The following CTCF variants were observed in gnomAD, a reference collection of about 807,000 sequenced individuals.
CTCF encodes transcriptional repressor CTCF.
A neutral mutation model predicts 72.3 loss-of-function variants in CTCF; 7 were observed. The ratio of observed to expected loss-of-function variants is 0.10; its 90% CI spans 0.06 to 0.18. The LOEUF is 0.18. Among genes scored for constraint, CTCF ranks in the 10% least tolerant of loss-of-function variants. CTCF has a pLI of 1.00. For synonymous variants in CTCF, 374 were observed against 315.8 expected (o/e 1.18, Z -1.95); for missense variants, 516 against 949.1 (o/e 0.54, Z 6.00).
At position 67,635,037 on chromosome 16, in the gene CTCF, T is replaced by G. The variant is rs776920388; in HGVS notation, c.1838-1653T>G. ...TTTGTTTTTGTTTGTTTGTTTGTTTTTTTGAGACGGAGTCTTGCTCTGTTG... is the reference window on the plus strand; with the variant it reads ...TTTGTTTTTGTTTGTTTGTTTGTTTGTTTGAGACGGAGTCTTGCTCTGTTG... On this transcript the variant is annotated intron_variant, in intron 10 of 11. Transcript: ENST00000264010. 4.9e-4 allele frequency among the ~76,000 whole-genome samples: 71 copies of G among 146,100 alleles called. 1 individual carries two copies. The highest frequency in any genetic ancestry group is 1.0e-3 in the East Asian group (5 of 4,794).
intron 2 of CTCF, among the ~76,000 whole-genome samples, chr16:67,590,851 C>T (rs957564756): frequency 8.0e-5 from 12 of 150,676 alleles, no homozygotes; most frequent in African/African-American, 2.4e-4. Context: ...ATCCCAGCTA[C>T]TTGGGAGGCT....
chr16:67,621,340 G>A, intron 6 of CTCF, 102 bp from the exon 7 acceptor site: 1 of 831,772 alleles, frequency 1.2e-6, no homozygotes, highest in Non-Finnish European at 1.9e-6. Context: ...AAGACCTGTA[G>A]ATTCTCTGTG....
chr16:67,631,199 C>G (rs1268544493), intron 10 of CTCF, among the ~76,000 whole-genome samples: 1 of 139,638 alleles, frequency 7.2e-6, no homozygotes, highest in Admixed American at 7.2e-5. Context: ...GTGTCTCCCT[C>G]TTGTTGCCCA....
chr16:67,624,034 T>A (rs530394631), intron 7 of CTCF, among the ~76,000 whole-genome samples: 6 of 127,790 alleles, frequency 4.7e-5, no homozygotes, highest in Non-Finnish European at 9.5e-5. Context: ...GGCAAGAGAG[T>A]GAGACACTGT....
intron 2 of CTCF, among the ~76,000 whole-genome samples, chr16:67,584,604 G>A (rs1226876381): frequency 6.6e-6 from 1 of 151,540 alleles, no homozygotes; most frequent in African/African-American, 2.4e-5. Flanking sequence ...GGGATTACAG[G>A]CGTGAGCCAC....
At chr16:67,605,492 A>G (rs1362330195) in intron 2 of CTCF, among the ~76,000 whole-genome samples, 1 of 152,202 alleles carries the variant, frequency 6.6e-6, no homozygotes, top group Non-Finnish European at 1.5e-5. Context: ...AATGAAAGAA[A>G]GAAGGTAATG....
chr16:67,599,128 GGCTCAC>G (rs2051853544), intron 2 of CTCF, among the ~76,000 whole-genome samples: 1 of 152,238 alleles, frequency 6.6e-6, no homozygotes, highest in Admixed American at 6.5e-5. Context: ...CGAATGTGGT[GGCTCAC>G]GCCTGTAATC....
At chr16:67,636,973 G>C (rs530610202) in intron 11 of CTCF, 122 bp downstream of exon 11, 4 of 891,884 alleles carry the variant, frequency 4.5e-6, no homozygotes, top group Non-Finnish European at 6.4e-6. Flanking sequence ...AGGGCATGTC[G>C]AGAACAAACT....
At chr16:67,619,210 T>C (rs1567611859) in intron 5 of CTCF, among the ~76,000 whole-genome samples, 1 of 152,050 alleles carries the variant, frequency 6.6e-6, no homozygotes, top group Non-Finnish European at 1.5e-5. Flanking sequence ...CTGAGGCGGG[T>C]TGGTCACCTG....
chr16:67,604,607 T>C (rs980333056), intron 2 of CTCF, among the ~76,000 whole-genome samples: 1 of 151,878 alleles, frequency 6.6e-6, no homozygotes, highest in Non-Finnish European at 1.5e-5. Context: ...TCCCAAAGTG[T>C]TGGGATTACA....
chr16:67,601,609 G>C (rs990035490), intron 2 of CTCF, among the ~76,000 whole-genome samples: 1 of 152,042 alleles, frequency 6.6e-6, no homozygotes, highest in African/African-American at 2.4e-5. Flanking sequence ...GCAGTGTATT[G>C]AGAGGCTGAT....
rs368977003 is a variant in CTCF at position 67,620,660 on chromosome 16, T to G, written c.1087-37T>G. On this transcript the variant is annotated intron_variant, in intron 5 of 11. Coordinates refer to ENST00000264010, the MANE Select transcript of CTCF (RefSeq NM_006565.4). ...ACTGTGCTCTTGTTACAGTCTGTGT[T>G]AACAGAAGTTAAAGTTCGGTTGTTT... The G allele has an allele frequency of 3.0e-5, 45 of 1,517,444 alleles. No individual in the cohort carries two copies. The African/African-American group carries it at 3.9e-4, about 13-fold the overall frequency. 94.0% of individuals were successfully genotyped at this position (1,517,444 alleles called of 1,614,324 possible).
chr16:67,598,428 A>G (rs921132143), intron 2 of CTCF, among the ~76,000 whole-genome samples: 3 of 152,208 alleles, frequency 2.0e-5, no homozygotes, highest in Non-Finnish European at 4.4e-5. Flanking sequence ...ATCTTGTTCC[A>G]GAAAGAACTT....
chr16:67,575,487 C>G (rs1300032430), intron 2 of CTCF, among the ~76,000 whole-genome samples: 1 of 152,022 alleles, frequency 6.6e-6, no homozygotes, highest in Non-Finnish European at 1.5e-5. Context: ...GCTCTGTCGC[C>G]AGGCTGGAGT....
intron 1 of CTCF, among the ~76,000 whole-genome samples, chr16:67,569,342 T>A (rs1325902676): frequency 6.6e-6 from 1 of 151,340 alleles, no homozygotes; most frequent in East Asian, 2.0e-4. Context: ...TGCACCACCA[T>A]GCCCAGCTAA....
chr16:67,613,747 A>G (rs905657722), intron 4 of CTCF, among the ~76,000 whole-genome samples: 20 of 152,074 alleles, frequency 1.3e-4, no homozygotes, highest in African/African-American at 4.6e-4. Flanking sequence ...CCGTACTCCA[A>G]CCTAAGTGAC....
intron 2 of CTCF, among the ~76,000 whole-genome samples, chr16:67,594,826 C>T (rs2051790855): frequency 6.6e-6 from 1 of 152,062 alleles, no homozygotes; most frequent in Non-Finnish European, 1.5e-5. Context: ...ATAGTTACTG[C>T]CCTTAAAAAG....
intron 11 of CTCF, 147 bp from the exon 12 acceptor site, chr16:67,637,541 A>T (rs1320559004): frequency 1.6e-6 from 1 of 636,462 alleles, no homozygotes; most frequent in Non-Finnish European, 2.7e-6. Context: ...AAAAAATAAA[A>T]TAAAAAATAA....
At chr16:67,570,333 G>T (rs894132197) in intron 1 of CTCF, among the ~76,000 whole-genome samples, 1 of 152,120 alleles carries the variant, frequency 6.6e-6, no homozygotes, top group Non-Finnish European at 1.5e-5. Context: ...GTCTGCCTCG[G>T]CCTCCCAAAG....
Sources: allele counts gnomAD v4.1 joint callset (sites outside exome capture counted in the v4.1 genomes callset), GRCh38; gene constraint gnomAD v4.1.1; transcripts MANE v1.5; gene names NCBI Gene and HGNC (gene_info 2026-07-23, HGNC 2026-07-21).